Variants in LGSN observed in about 807,000 individuals in gnomAD.
LGSN encodes the protein lengsin.
Under a neutral mutation model 19.5 loss-of-function variants are expected in LGSN, and 21 were observed. The ratio of observed to expected loss-of-function variants is 1.07; its 90% CI spans 0.76 to 1.55. The LOEUF is 1.55. Among genes scored for constraint, LGSN ranks in the 40% most tolerant of loss-of-function variants. LGSN has a pLI of 0.00. For missense variants in LGSN, 673 were observed against 608.5 expected (o/e 1.11, Z -1.12); for synonymous variants, 257 against 215.6 (o/e 1.19, Z -1.68).
At chr6:63,376,770 T>C in the LGSN span, among the ~76,000 whole-genome samples, 5 of 152,348 alleles carry the variant, frequency 3.3e-5, no homozygotes, top group African/African-American at 7.2e-5. Context: ...TACTTTCAGA[T>C]TGAGTCAGTT....
the LGSN span, among the ~76,000 whole-genome samples, chr6:63,562,544 A>T: frequency 6.6e-6 from 1 of 152,332 alleles, no homozygotes; most frequent in African/African-American, 2.4e-5. Context: ...TAGATACTTC[A>T]AGTGATATCA....
At chr6:63,420,699 C>A in the LGSN span, among the ~76,000 whole-genome samples, 2 of 152,104 alleles carry the variant, frequency 1.3e-5, no homozygotes, top group South Asian at 2.1e-4. Flanking sequence ...TCCAGAGTCT[C>A]AAAACACAAT....
the LGSN span, among the ~76,000 whole-genome samples, chr6:63,508,000 C>T: frequency 6.6e-6 from 1 of 152,150 alleles, no homozygotes; most frequent in Non-Finnish European, 1.5e-5. Context: ...AATACCACCA[C>T]ACTATTTATA....
the LGSN span, among the ~76,000 whole-genome samples, chr6:63,544,128 A>G: frequency 6.6e-6 from 1 of 152,306 alleles, no homozygotes; most frequent in Admixed American, 6.5e-5. Context: ...GGGAGTAAAG[A>G]CTACCAGACA....
chr6:63,307,447 C>T (rs937060806), intron 1 of LGSN, among the ~76,000 whole-genome samples: 1 of 152,196 alleles, frequency 6.6e-6, no homozygotes, highest in Non-Finnish European at 1.5e-5. Flanking sequence ...CCTGGAGGGC[C>T]TGTAGGGCCA....
chr6:63,333,354 G>A, the LGSN span, among the ~76,000 whole-genome samples: 24 of 150,492 alleles, frequency 1.6e-4, no homozygotes, highest in South Asian at 4.2e-4. Flanking sequence ...ACAAAAAGTC[G>A]AAAGGAAGGA....
chr6:63,332,324 G>A, the LGSN span, among the ~76,000 whole-genome samples: 7 of 152,170 alleles, frequency 4.6e-5, no homozygotes, highest in Non-Finnish European at 5.9e-5. Context: ...GAGAAGAGAG[G>A]TGAGAGGAAG....
the LGSN span, among the ~76,000 whole-genome samples, chr6:63,504,707 G>A: frequency 6.6e-6 from 1 of 152,180 alleles, no homozygotes; most frequent in African/African-American, 2.4e-5. Context: ...GTGTCCCAAA[G>A]TGCTGGGATT....
At chr6:63,431,054 C>G in the LGSN span, among the ~76,000 whole-genome samples, 2 of 152,162 alleles carry the variant, frequency 1.3e-5, no homozygotes, top group African/African-American at 4.8e-5. Context: ...TCTTCTAAAA[C>G]TTTGTAGTCT....
chr6:63,535,476 A>G, the LGSN span, among the ~76,000 whole-genome samples: 1 of 152,216 alleles, frequency 6.6e-6, no homozygotes, highest in Non-Finnish European at 1.5e-5. Flanking sequence ...TTAAAAGAAA[A>G]AAAAAAGCAA....
At chr6:63,378,069 A>C in the LGSN span, among the ~76,000 whole-genome samples, 1 of 151,764 alleles carries the variant, frequency 6.6e-6, no homozygotes, top group African/African-American at 2.4e-5. Flanking sequence ...AGACACTTGA[A>C]GAAGAGATGG....
At chr6:63,442,473 A>G in the LGSN span, among the ~76,000 whole-genome samples, 1 of 152,082 alleles carries the variant, frequency 6.6e-6, no homozygotes, top group African/African-American at 2.4e-5. Flanking sequence ...TGCATTTACA[A>G]TCCCTGACCT....
chr6:63,282,473 G>T (rs1767356835), intron 3 of LGSN, among the ~76,000 whole-genome samples: 2 of 152,148 alleles, frequency 1.3e-5, no homozygotes, highest in African/African-American at 4.8e-5. Context: ...GCTGCTTTCT[G>T]CTTCGTATAT....
chr6:63,304,873 C>T (rs903022760), intron 1 of LGSN, among the ~76,000 whole-genome samples: 9 of 152,088 alleles, frequency 5.9e-5, no homozygotes, highest in African/African-American at 1.7e-4. Context: ...GACACTATAA[C>T]CTATCAATAA....
the LGSN span, among the ~76,000 whole-genome samples, chr6:63,461,747 C>A: frequency 6.6e-6 from 1 of 152,312 alleles, no homozygotes; most frequent in Middle Eastern, 3.4e-3. Context: ...TGAATTATAG[C>A]TTCTCTACTT....
chr6:63,306,037 A>T (rs1330984704), intron 1 of LGSN, among the ~76,000 whole-genome samples: 4 of 152,192 alleles, frequency 2.6e-5, no homozygotes, highest in African/African-American at 9.6e-5. Flanking sequence ...ACTGCACTCC[A>T]GCCTGGGCAA....
At chr6:63,428,090 C>T in the LGSN span, among the ~76,000 whole-genome samples, 2 of 152,094 alleles carry the variant, frequency 1.3e-5, no homozygotes, top group African/African-American at 4.8e-5. Flanking sequence ...TTTCCTCATG[C>T]TGAGAGCAAC....
the LGSN span, among the ~76,000 whole-genome samples, chr6:63,364,276 G>C: frequency 6.6e-6 from 1 of 151,848 alleles, no homozygotes; most frequent in Non-Finnish European, 1.5e-5. Flanking sequence ...AAAAAAAACG[G>C]GTTGCAATCC....
rs947928016 is a variant in LGSN at position 63,276,065 on chromosome 6, C to T, written c.*3956G>A. The T allele has an allele frequency of 1.3e-5, 2 of 152,194 alleles. No individual in the cohort carries two copies. Among genetic ancestry groups the T allele is most frequent in the African/African-American group, 4.8e-5 (2 of 41,454 alleles). The allele number at this position is 152,194 out of a possible 1,614,324, so 9.4% of individuals were successfully genotyped here. ...GAGAAGAGCTTTAACAGGGAAGGCA[C>T]TGTGCACATAGGTAATGTTTAAAGA... is the stretch of plus-strand genomic sequence containing the variant. On this transcript the variant is annotated 3_prime_UTR_variant, in exon 4 of 4. Transcript: ENST00000370657.
Sources: gnomAD v4.1 joint callset for allele counts (sites outside exome capture counted in the v4.1 genomes callset) on GRCh38, gnomAD v4.1.1 for gene constraint, MANE v1.5 for transcripts, NCBI Gene and HGNC (gene_info 2026-07-23, HGNC 2026-07-21) for gene names.